NFIB: variants seen among roughly 807,000 people sequenced by gnomAD.
The protein encoded by NFIB is nuclear factor 1 B-type.
Under a neutral mutation model 61.5 loss-of-function variants are expected in NFIB, and 11 were observed. The ratio of observed to expected loss-of-function variants is 0.18; its 90% CI spans 0.11 to 0.30. NFIB has a LOEUF of 0.30. NFIB is among the 10% of genes least tolerant of loss of function. The pLI, the probability that NFIB is intolerant of heterozygous loss-of-function variation, is 1.00. For missense variants in NFIB, 471 were observed against 608.9 expected (o/e 0.77, Z 2.38); for synonymous variants, 260 against 216.5 (o/e 1.20, Z -1.76).
chr9:14,367,532 T>C (rs1192426074), intron 1 of NFIB, among the ~76,000 whole-genome samples: 4 of 152,100 alleles, frequency 2.6e-5, no homozygotes, highest in African/African-American at 9.7e-5. Context: ...TGTTCCTCCA[T>C]GAATATGGGT....
At chr9:14,333,237 T>G (rs545130405) in intron 1 of NFIB, among the ~76,000 whole-genome samples, 3 of 152,348 alleles carry the variant, frequency 2.0e-5, no homozygotes, top group South Asian at 4.1e-4. Flanking sequence ...ATATTACAGG[T>G]GTAATCTTGT....
At chr9:14,525,051 C>T in the NFIB span, among the ~76,000 whole-genome samples, 14 of 152,234 alleles carry the variant, frequency 9.2e-5, no homozygotes, top group East Asian at 2.3e-3. Context: ...ATGACTATAG[C>T]GAGTCTAATT....
chr9:14,495,299 C>G, the NFIB span, among the ~76,000 whole-genome samples: 1 of 152,118 alleles, frequency 6.6e-6, no homozygotes, highest in Non-Finnish European at 1.5e-5. Flanking sequence ...TCCAGGAGAG[C>G]AGGCTGAGGT....
chr9:14,199,209 A>G (rs1440126735), intron 2 of NFIB, among the ~76,000 whole-genome samples: 6 of 152,342 alleles, frequency 3.9e-5, no homozygotes, highest in Non-Finnish European at 7.4e-5. Context: ...ACCTTTCTGA[A>G]GGAAGATTTT....
chr9:14,197,679 T>A (rs2048608847), intron 2 of NFIB, among the ~76,000 whole-genome samples: 1 of 152,204 alleles, frequency 6.6e-6, no homozygotes, highest in Admixed American at 6.5e-5. Flanking sequence ...AGGCTATAGG[T>A]AAACTTTGAC....
the NFIB span, among the ~76,000 whole-genome samples, chr9:14,469,321 G>A: frequency 2.0e-5 from 3 of 152,092 alleles, no homozygotes; most frequent in African/African-American, 7.2e-5. Context: ...GATCATTGTG[G>A]GTTTCACAAA....
At chr9:14,096,673 G>A (rs1168429746) in intron 10 of NFIB, 2 of 152,130 alleles carry the variant, frequency 1.3e-5, no homozygotes, top group African/African-American at 4.8e-5. Flanking sequence ...GTTTCTCCTG[G>A]TTACCAGACG....
upstream of NFIB, among the ~76,000 whole-genome samples, chr9:14,402,273 G>A (rs577718117): frequency 3.2e-4 from 48 of 152,268 alleles, no homozygotes; most frequent in African/African-American, 1.2e-3. Flanking sequence ...GCAAACTAGT[G>A]CATATAAATC....
chr9:14,382,902 C>T (rs1199293516), intron 1 of NFIB, among the ~76,000 whole-genome samples: 1 of 152,072 alleles, frequency 6.6e-6, no homozygotes, highest in Non-Finnish European at 1.5e-5. Context: ...GCAGAAAAAA[C>T]CATCCTGGTG....
At chr9:14,406,119 G>A in the NFIB span, among the ~76,000 whole-genome samples, 2 of 152,172 alleles carry the variant, frequency 1.3e-5, no homozygotes, top group Non-Finnish European at 2.9e-5. Flanking sequence ...AAAGGACAAA[G>A]AAGAAACTTT....
the NFIB span, among the ~76,000 whole-genome samples, chr9:14,514,986 T>C: frequency 6.6e-6 from 1 of 152,258 alleles, no homozygotes; most frequent in East Asian, 1.9e-4. Context: ...ACTTAAACCA[T>C]TGCACAGAAT....
chr9:14,156,478 T>C (rs2043422345), intron 3 of NFIB, among the ~76,000 whole-genome samples: 1 of 152,226 alleles, frequency 6.6e-6, no homozygotes, highest in Admixed American at 6.5e-5. Flanking sequence ...TAATATACGT[T>C]GCACGATTTC....
intron 2 of NFIB, chr9:14,306,167 C>T: frequency 6.1e-6 from 2 of 328,158 alleles, no homozygotes; most frequent in East Asian, 4.7e-5. Flanking sequence ...GTATGGTATG[C>T]AGTTTCTGTA....
At chr9:14,272,635 T>G (rs2132341131) in intron 2 of NFIB, among the ~76,000 whole-genome samples, 2 of 140,696 alleles carry the variant, frequency 1.4e-5, no homozygotes, top group South Asian at 4.6e-4. Flanking sequence ...CTGCTCCACT[T>G]TATCTTCTAC....
chr9:14,530,253 T>A, the NFIB span, among the ~76,000 whole-genome samples: 2 of 152,168 alleles, frequency 1.3e-5, no homozygotes, highest in African/African-American at 4.8e-5. Flanking sequence ...TCACAGCATT[T>A]TTCCCCAAGC....
At chr9:14,231,137 T>A (rs1326135619) in intron 2 of NFIB, among the ~76,000 whole-genome samples, 3,083 of 76,890 alleles carry the variant, frequency 0.04, 40 homozygotes, top group Non-Finnish European at 0.056. Context: ...AAAAAAAAAA[T>A]ATATATATAT....
At chr9:14,466,028 A>C in the NFIB span, among the ~76,000 whole-genome samples, 3 of 152,122 alleles carry the variant, frequency 2.0e-5, no homozygotes, top group Admixed American at 6.5e-5. Flanking sequence ...GAGAGAGTCG[A>C]GTCACCAGCT....
intron 2 of NFIB, among the ~76,000 whole-genome samples, chr9:14,280,078 G>A (rs2058268938): frequency 1.3e-5 from 2 of 152,128 alleles, no homozygotes; most frequent in African/African-American, 4.8e-5. Flanking sequence ...TATTTCCCAG[G>A]AAGAGGAATT....
At chr9:14,359,640 A>G (rs1385920698) in intron 1 of NFIB, among the ~76,000 whole-genome samples, 1 of 152,160 alleles carries the variant, frequency 6.6e-6, no homozygotes, top group African/African-American at 2.4e-5. Flanking sequence ...GCCATAAGAA[A>G]CTATTAATAA....
Sources: allele counts gnomAD v4.1 joint callset (sites outside exome capture counted in the v4.1 genomes callset), GRCh38; gene constraint gnomAD v4.1.1; transcripts MANE v1.5; gene names NCBI Gene and HGNC (gene_info 2026-07-23, HGNC 2026-07-21).